Variants in CRPPA observed in about 807,000 individuals in gnomAD.
CRPPA encodes CDP-L-ribitol pyrophosphorylase A.
CRPPA carries 43 observed loss-of-function variants against 52.0 expected under a neutral mutation model. That is an observed-to-expected ratio of 0.83 (90% CI 0.65 to 1.07). CRPPA has a LOEUF of 1.07. Ranked by LOEUF, CRPPA falls within the 50% of genes least tolerant of loss-of-function variation. The pLI is 0.00. For synonymous variants in CRPPA, 250 were observed against 203.5 expected, an observed-to-expected ratio of 1.23 and a Z score of -1.94; for missense variants, 629 against 551.7, an observed-to-expected ratio of 1.14 and a Z score of -1.40.
chr7:16,217,960 G>A (rs1030213672), intron 8 of CRPPA, among the ~76,000 whole-genome samples: 5 of 150,078 alleles, frequency 3.3e-5, no homozygotes, highest in Non-Finnish European at 3.0e-5. Flanking sequence ...GATACTCCTC[G>A]AGAAGAGCAA....
intron 3 of CRPPA, among the ~76,000 whole-genome samples, chr7:16,352,879 GCACA>G (rs56733439): frequency 0.098 from 13,901 of 141,924 alleles, 702 homozygotes; most frequent in African/African-American, 0.15. Flanking sequence ...AAGTAACATG[GCACA>G]CACACACACA....
At chr7:16,417,346 T>A (rs1472566378) in intron 1 of CRPPA, among the ~76,000 whole-genome samples, 1 of 152,190 alleles carries the variant, frequency 6.6e-6, no homozygotes, top group Non-Finnish European at 1.5e-5. Context: ...ATGCACCATG[T>A]TCATCACAGT....
At chr7:16,109,833 A>G (rs1782225334) in intron 9 of CRPPA, among the ~76,000 whole-genome samples, 1 of 152,054 alleles carries the variant, frequency 6.6e-6, no homozygotes, top group African/African-American at 2.4e-5. Context: ...TATGGGAAAC[A>G]TTATGCCACA....
chr7:16,349,311 A>G (rs943169982), intron 3 of CRPPA, among the ~76,000 whole-genome samples: 2 of 152,318 alleles, frequency 1.3e-5, no homozygotes, highest in African/African-American at 4.8e-5. Flanking sequence ...GGTCAGATGA[A>G]TTAGAAATCC....
At chr7:16,151,136 G>A (rs1006697026) in intron 9 of CRPPA, among the ~76,000 whole-genome samples, 1 of 152,172 alleles carries the variant, frequency 6.6e-6, no homozygotes, top group Non-Finnish European at 1.5e-5. Context: ...CTGGTAGACT[G>A]ATAAAATGAG....
chr7:16,375,518 T>C (rs1786858972), intron 3 of CRPPA, among the ~76,000 whole-genome samples: 1 of 152,156 alleles, frequency 6.6e-6, no homozygotes, highest in Non-Finnish European at 1.5e-5. Flanking sequence ...TAACAAAATG[T>C]CTAAGGAGCT....
chr7:16,398,534 T>G (rs966264373), intron 2 of CRPPA, among the ~76,000 whole-genome samples: 19 of 152,114 alleles, frequency 1.2e-4, no homozygotes, highest in Admixed American at 3.3e-4. Context: ...ATGTGACAAA[T>G]GATCGACATA....
At chr7:16,154,200 T>C (rs1197274098) in intron 9 of CRPPA, among the ~76,000 whole-genome samples, 7 of 152,098 alleles carry the variant, frequency 4.6e-5, no homozygotes, top group African/African-American at 1.2e-4. Flanking sequence ...AATACATTTA[T>C]TGAACACTGA....
At chr7:16,171,332 T>C (rs901390772) in intron 9 of CRPPA, among the ~76,000 whole-genome samples, 2 of 152,218 alleles carry the variant, frequency 1.3e-5, no homozygotes, top group African/African-American at 4.8e-5. Flanking sequence ...CGTTACTTTT[T>C]TTAATACTAC....
intron 6 of CRPPA, chr7:16,269,537 C>T (rs183191945): frequency 3.3e-5 from 5 of 151,990 alleles, no homozygotes; most frequent in Admixed American, 3.3e-4. Flanking sequence ...TTTTTTTTAC[C>T]CTCATATACT....
chr7:16,383,892 G>A (rs200081890), intron 2 of CRPPA, among the ~76,000 whole-genome samples: 6 of 152,140 alleles, frequency 3.9e-5, no homozygotes, highest in African/African-American at 9.7e-5. Context: ...TCCAGGTGCC[G>A]TCTGTCACCC....
intron 9 of CRPPA, among the ~76,000 whole-genome samples, chr7:16,168,702 A>C (rs1016229960): frequency 6.6e-6 from 1 of 152,154 alleles, no homozygotes; most frequent in Non-Finnish European, 1.5e-5. Flanking sequence ...CTAGAATTCT[A>C]AAAAAGGGAA....
intron 3 of CRPPA, among the ~76,000 whole-genome samples, chr7:16,366,653 C>A (rs1786597596): frequency 6.6e-6 from 1 of 151,798 alleles, no homozygotes; most frequent in Non-Finnish European, 1.5e-5. Context: ...CAAAGAAGAT[C>A]CCAGCCAAGT....
At chr7:16,303,217 C>T (rs542763634) in intron 4 of CRPPA, among the ~76,000 whole-genome samples, 1 of 152,162 alleles carries the variant, frequency 6.6e-6, no homozygotes, top group Non-Finnish European at 1.5e-5. Flanking sequence ...TTAGCTGCTA[C>T]TTTATTTCTG....
intron 1 of CRPPA, 133 bp downstream of exon 1, chr7:16,420,933 G>C (rs1340077365): frequency 1.2e-5 from 9 of 777,972 alleles, no homozygotes; most frequent in East Asian, 3.4e-5. Context: ...GGAGGGAACA[G>C]AGCTCAAGCT....
chr7:16,192,857 C>A (rs1781643066), intron 9 of CRPPA, among the ~76,000 whole-genome samples: 1 of 152,080 alleles, frequency 6.6e-6, no homozygotes, highest in African/African-American at 2.4e-5. Context: ...ACACCTTTGT[C>A]AAAAATCAGT....
At chr7:16,293,028 A>G (rs573621316) in intron 5 of CRPPA, among the ~76,000 whole-genome samples, 1 of 152,062 alleles carries the variant, frequency 6.6e-6, no homozygotes, top group African/African-American at 2.4e-5. Context: ...CAGACCCACG[A>G]CACATTAAGG....
At chr7:16,262,738 T>C (rs1248713741) in intron 6 of CRPPA, among the ~76,000 whole-genome samples, 1 of 152,294 alleles carries the variant, frequency 6.6e-6, no homozygotes, top group African/African-American at 2.4e-5. Context: ...AGCTTCTCAA[T>C]CTGCTTCTAA....
chr7:16,317,460 C>T (rs185968547), intron 3 of CRPPA, among the ~76,000 whole-genome samples: 3 of 152,288 alleles, frequency 2.0e-5, no homozygotes, highest in African/African-American at 7.2e-5. Flanking sequence ...AGGCATTCTA[C>T]TTTCTCTGCA....
Sources: gnomAD v4.1 joint callset for allele counts (sites outside exome capture counted in the v4.1 genomes callset) on GRCh38, gnomAD v4.1.1 for gene constraint, MANE v1.5 for transcripts, NCBI Gene and HGNC (gene_info 2026-07-23, HGNC 2026-07-21) for gene names.